NKAP: variants seen among roughly 807,000 people sequenced by gnomAD.
The protein encoded by NKAP is NF-kappa-B-activating protein.
NKAP carries 4 observed loss-of-function variants against 35.6 expected under a neutral mutation model. That is an observed-to-expected ratio of 0.11 (90% CI 0.06 to 0.26). The LOEUF is 0.26. Among genes scored for constraint, NKAP ranks in the 10% least tolerant of loss-of-function variants. The pLI is 1.00. For synonymous variants in NKAP, 106 were observed against 119.2 expected (o/e 0.89, Z 0.72); for missense variants, 238 against 321.9 (o/e 0.74, Z 1.99).
chrX:119,936,942 A>G (rs1229973246), intron 2 of NKAP: 2 of 248,643 alleles, frequency 8.0e-6, no homozygotes, highest in Non-Finnish European at 7.0e-6. Context: ...TATCATTTGC[A>G]TAACACTTTA....
At chrX:119,942,847 C>T in intron 1 of NKAP, 1 of 136,434 alleles carries the variant, frequency 7.3e-6, no homozygotes, top group Non-Finnish European at 1.5e-5. Context: ...CAGAATTCTC[C>T]TCCGTTCACT....
chrX:119,931,140 A>G (rs2056738969), intron 7 of NKAP, among the ~76,000 whole-genome samples: 1 of 104,296 alleles, frequency 9.6e-6, no homozygotes, highest in Non-Finnish European at 2.0e-5. Flanking sequence ...AAACTCAATC[A>G]CACCACTGTG....
At chrX:119,927,830 C>A (rs1261574025) in intron 8 of NKAP, among the ~76,000 whole-genome samples, 1 of 112,066 alleles carries the variant, frequency 8.9e-6, no homozygotes, top group Non-Finnish European at 1.9e-5. Flanking sequence ...TATTAAGTTT[C>A]ATGAAAAACT....
intron 4 of NKAP, among the ~76,000 whole-genome samples, chrX:119,935,144 T>C (rs1231667352): frequency 9.0e-6 from 1 of 111,247 alleles, no homozygotes; most frequent in Non-Finnish European, 1.9e-5. Context: ...AGAGGGAAGC[T>C]TGGGGAACCT....
chrX:119,943,005 G>C, intron 1 of NKAP: 1 of 410,226 alleles, frequency 2.4e-6, no homozygotes, highest in Non-Finnish European at 4.1e-6. Flanking sequence ...AGGGGGTAGC[G>C]GGAGACCAGG....
chrX:119,926,720 A>G (rs891486773), intron 8 of NKAP, among the ~76,000 whole-genome samples: 1 of 110,978 alleles, frequency 9.0e-6, no homozygotes, highest in African/African-American at 3.3e-5. Flanking sequence ...CTAGTCATTA[A>G]TCAGATGGAA....
At position 119,921,679 on chromosome X, in the gene NKAP, C is replaced by T. The variant is rs1345731628; in HGVS notation, c.*3541G>A. 9.1e-6 allele frequency: 1 copy of T among 110,191 alleles called. No individual in the cohort carries two copies. 9.1% of individuals were successfully genotyped at this position (110,191 alleles called of 1,213,427 possible). ...CTTTTAGCCCTTTTATTCTTCTTGC[C>T]TCTTTCCCAAAGAATATGCCAATGA... is the stretch of plus-strand genomic sequence containing the variant. On this transcript the variant is annotated 3_prime_UTR_variant, in exon 9 of 9. Coordinates refer to ENST00000371410, the MANE Select transcript of NKAP (RefSeq NM_024528.4).
chrX:119,943,607 G>A lies in NKAP; in HGVS notation c.-2C>T, dbSNP rs1457727608. 1 of 1,163,997 alleles carries A rather than the reference G, an allele frequency of 8.6e-7. No individual in the cohort carries two copies. The highest frequency in any genetic ancestry group is 1.1e-6 in the Non-Finnish European group (1 of 871,593). On this transcript the variant is annotated 5_prime_UTR_variant, in exon 1 of 9. Transcript: ENST00000371410. The stretch of plus-strand genomic sequence containing the variant: ...GCGTGAGCCGGACACCGGAGCCATG[G>A]CTACTGGGGGGCCCCAGCAGCCGTG...
chrX:119,930,338 T>C (rs1836440030), intron 7 of NKAP, among the ~76,000 whole-genome samples, 173 bp from the exon 8 acceptor site: 1 of 112,470 alleles, frequency 8.9e-6, no homozygotes, highest in African/African-American at 3.2e-5. Flanking sequence ...TTATCCTAAT[T>C]AGTGTATTAA....
chrX:119,935,133 T>C (rs767673632), intron 4 of NKAP, among the ~76,000 whole-genome samples: 2 of 111,289 alleles, frequency 1.8e-5, no homozygotes, highest in South Asian at 3.7e-4. Context: ...TCTGGAATGA[T>C]AGAGGGAAGC....
At chrX:119,939,382 G>A (rs1244852935) in intron 1 of NKAP, among the ~76,000 whole-genome samples, 1 of 111,251 alleles carries the variant, frequency 9.0e-6, no homozygotes, top group African/African-American at 3.3e-5. Context: ...CGCCTCCTGG[G>A]TTCAAGTAAT....
At position 119,936,433 on chromosome X, in the gene NKAP, T is replaced by C; in HGVS notation, c.539-2A>G. ...GGCTAGACTTCTTCTTTTTTTCTTC[T>C]AAGAAAGTACAAATTAAAAAATTAT... On this transcript the variant is annotated splice_acceptor_variant, in intron 3 of 8. Transcript: ENST00000371410. LOFTEE classifies it high-confidence loss of function. 1 of 1,129,234 alleles carries C rather than the reference T, an allele frequency of 8.9e-7. No homozygotes were observed. The highest frequency in any genetic ancestry group is 1.2e-6 in the Non-Finnish European group (1 of 844,142). 93.1% of individuals were successfully genotyped at this position (1,129,234 alleles called of 1,213,427 possible).
At chrX:119,934,430 CAAAAAAAAAAAAAA>C (rs369386190) in intron 5 of NKAP, 50 bp downstream of exon 5, 3 of 190,562 alleles carry the variant, frequency 1.6e-5, no homozygotes, top group Non-Finnish European at 1.4e-5. Flanking sequence ...GACTCTGTCT[CAAAAAAAAAAAAAA>C]AAAAAAAAAA....
chrX:119,936,385 T>C lies in NKAP; in HGVS notation c.585A>G (p.Lys195=). The C allele has an allele frequency of 8.4e-7, 1 of 1,188,231 alleles. No homozygotes were observed. ...KSSRSKERSK[K]RRKKKSSKRK... The stretch of plus-strand genomic sequence containing the variant: ...TTTTCGATGATTTTTTCTTTCTCCT[T>C]TTCTTGGACCTTTCTTTTGAACGGC... The change falls in exon 4 of 9, where the codon AAA becomes AAG. Residue 195 remains lysine, a synonymous_variant. Transcript: ENST00000371410.
Position 119,924,118 on chromosome X carries a change from T to G in NKAP, c.*1102A>C, listed in dbSNP as rs1164366750. 1 of 111,786 alleles carries G rather than the reference T, an allele frequency of 8.9e-6. No homozygotes were observed. Among genetic ancestry groups the G allele is most frequent in the Non-Finnish European group, 1.9e-5 (1 of 53,217 alleles). The allele number at this position is 111,786 out of a possible 1,213,427, so 9.2% of individuals were successfully genotyped here. A position where few individuals can be genotyped will look rare whatever the true frequency, so the allele number is the denominator to read the frequency against. ...CATATATTATAGTACACAAGTCAGT[T>G]TTCAAATTCCAGATTTGCTTTTCGC... is the stretch of plus-strand genomic sequence containing the variant. On this transcript the variant is annotated 3_prime_UTR_variant, in exon 9 of 9. Transcript: ENST00000371410.
intron 1 of NKAP, among the ~76,000 whole-genome samples, chrX:119,942,214 T>C (rs1277818872): frequency 9.0e-6 from 1 of 111,480 alleles, no homozygotes; most frequent in Non-Finnish European, 1.9e-5. Flanking sequence ...GGGTCATACC[T>C]GTAATCTCAG....
Position 119,943,301 on chromosome X carries a change from C to T in NKAP, c.305G>A (p.Gly102Asp). The change falls in exon 1 of 9, where the codon GGC becomes GAC. Residue 102 changes from glycine to aspartate, a missense_variant. Around this residue, in one of 5 missense-constraint regions of NKAP, gnomAD observed 123 missense variants for 115.3 expected, o/e 1.07. Coordinates refer to ENST00000371410, the MANE Select transcript of NKAP (RefSeq NM_024528.4). ...GCTCCCGTAGGGGCGCGAGTAGCTG[C>T]CGTAATAGACTGACGAGGAGGCAGA... ...FASASSSVYYGSYSRPYGSDK... is the reference protein window; with the variant it reads ...FASASSSVYYDSYSRPYGSDK... 8.3e-7 allele frequency: 1 copy of T among 1,211,731 alleles called. No individual in the cohort carries two copies. Among genetic ancestry groups the T allele is most frequent in the Non-Finnish European group, 1.1e-6 (1 of 895,415 alleles).
intron 8 of NKAP, among the ~76,000 whole-genome samples, chrX:119,926,369 T>G (rs1366797912): frequency 1.8e-5 from 2 of 110,273 alleles, no homozygotes; most frequent in African/African-American, 6.6e-5. Context: ...TGGGCTCAAG[T>G]GATTCCCCTG....
At chrX:119,933,768 C>T (rs2056752837) in intron 5 of NKAP, among the ~76,000 whole-genome samples, 1 of 110,507 alleles carries the variant, frequency 9.0e-6, no homozygotes, top group Non-Finnish European at 1.9e-5. Flanking sequence ...ATCCTCCTGC[C>T]TGGCCTCCCA....
Sources: allele counts gnomAD v4.1 joint callset (sites outside exome capture counted in the v4.1 genomes callset), GRCh38; gene constraint gnomAD v4.1.1; regional missense constraint gnomAD v4.1.1; transcripts MANE v1.5; gene names NCBI Gene and HGNC (gene_info 2026-07-23, HGNC 2026-07-21).